The following MYO18B variants were observed in gnomAD, a reference collection of about 807,000 sequenced individuals.
MYO18B encodes unconventional myosin-XVIIIb.
In MYO18B, 204 loss-of-function variants were observed where a neutral mutation model predicts 273.0. The ratio of observed to expected loss-of-function variants is 0.75; its 90% CI spans 0.67 to 0.84. The LOEUF (loss-of-function observed/expected upper bound fraction) is 0.84. MYO18B is among the 40% of genes least tolerant of loss of function. The probability of loss-of-function intolerance (pLI) is 0.00; values close to 1 mark genes in which losing one functional copy is unlikely to be tolerated. For missense variants in MYO18B, 3,212 were observed against 3,287.6 expected (o/e 0.98, Z 0.56); for synonymous variants, 1,330 against 1,305.7 (o/e 1.02, Z -0.40).
chr22:26,013,642 A>G (rs1470074729), intron 42 of MYO18B, among the ~76,000 whole-genome samples: 1 of 152,240 alleles, frequency 6.6e-6, no homozygotes. Context: ...TAAGCAGTGA[A>G]TGAATGTTCT....
chr22:25,747,069 C>CCGAGA (rs1678926012), intron 1 of MYO18B, among the ~76,000 whole-genome samples: 1 of 152,122 alleles, frequency 6.6e-6, no homozygotes, highest in South Asian at 2.1e-4. Context: ...TTGCAGTGAG[C>CCGAGA]CGAGATGGCA....
In MYO18B at chr22:25,772,352, G is replaced by A. The variant is rs1461588289; in HGVS notation, c.1711G>A (p.Asp571Asn). 2 of 1,613,694 alleles carry A rather than the reference G, an allele frequency of 1.2e-6. No individual in the cohort carries two copies. Among genetic ancestry groups the A allele is most frequent in the African/African-American group, 2.7e-5 (2 of 74,906 alleles). Residue 571 changes from aspartate to asparagine, a missense_variant, in exon 7 of 44, where the codon GAC (aspartate) becomes AAC (asparagine). Asp to Asn is a conservative substitution (Grantham distance 23, BLOSUM62 1). Coordinates refer to ENST00000335473, the MANE Select transcript of MYO18B (RefSeq NM_032608.7). ...TTCACAGGCCAACCCTCCTGAGCTG[G>A]ACCAGGTCGAGGACCTGGCCTCTCT... ...HVHRANPPEL[D>N]QVEDLASLIS...
intron 42 of MYO18B, among the ~76,000 whole-genome samples, chr22:26,017,066 TTCC>T (rs1569298154): frequency 1.8e-5 from 2 of 113,210 alleles, no homozygotes; most frequent in Admixed American, 1.7e-4. Context: ...CCTTCCTTCC[TTCC>T]TTCCTCTCTG....
At chr22:25,978,772 G>A (rs543327183) in intron 39 of MYO18B, among the ~76,000 whole-genome samples, 1 of 152,304 alleles carries the variant, frequency 6.6e-6, no homozygotes, top group South Asian at 2.1e-4. Flanking sequence ...CTGCCAACAT[G>A]GCAAAACCTT....
chr22:25,934,208 G>A (rs1305672986), intron 34 of MYO18B, among the ~76,000 whole-genome samples: 1 of 151,538 alleles, frequency 6.6e-6, no homozygotes, highest in Non-Finnish European at 1.5e-5. Context: ...GAAGCTCTTT[G>A]CTACATATGT....
intron 42 of MYO18B, 112 bp from the exon 43 acceptor site, chr22:26,026,333 T>C: frequency 8.2e-7 from 1 of 1,219,022 alleles, no homozygotes; most frequent in Middle Eastern, 2.1e-4. Context: ...GTAGGGATGG[T>C]ATTTCCAAAG....
chr22:25,752,448 A>C (rs1434205031), intron 1 of MYO18B, among the ~76,000 whole-genome samples: 1 of 151,618 alleles, frequency 6.6e-6, no homozygotes, highest in Admixed American at 6.6e-5. Context: ...CGGCCTCACA[A>C]AGTGCTGGGA....
At chr22:25,864,493 G>A (rs928273605) in intron 21 of MYO18B, among the ~76,000 whole-genome samples, 4 of 152,170 alleles carry the variant, frequency 2.6e-5, no homozygotes, top group African/African-American at 9.7e-5. Flanking sequence ...GTTGTAGAAA[G>A]CAAACTGAAG....
chr22:25,965,497 C>G (rs1028014493), intron 39 of MYO18B, among the ~76,000 whole-genome samples: 1 of 152,192 alleles, frequency 6.6e-6, no homozygotes, highest in Non-Finnish European at 1.5e-5. Context: ...AGGTGGATTC[C>G]TGGCTTGTAG....
intron 36 of MYO18B, among the ~76,000 whole-genome samples, chr22:25,949,566 G>A (rs1404956986): frequency 6.6e-6 from 1 of 152,218 alleles, no homozygotes; most frequent in African/African-American, 2.4e-5. Context: ...AAATGCATCT[G>A]ACAGAGGTTG....
chr22:25,814,016 G>A (rs1236781598), intron 12 of MYO18B, among the ~76,000 whole-genome samples: 4 of 152,168 alleles, frequency 2.6e-5, no homozygotes, highest in Non-Finnish European at 5.9e-5. Context: ...TCATAAAGCT[G>A]GAATGCTGCT....
intron 17 of MYO18B, among the ~76,000 whole-genome samples, chr22:25,840,675 C>T (rs2090057713): frequency 6.6e-6 from 1 of 152,168 alleles, no homozygotes; most frequent in Admixed American, 6.5e-5. Flanking sequence ...AATGTATTAT[C>T]AAAGGGAATG....
At chr22:25,892,581 C>T (rs963855037) in intron 27 of MYO18B, 1 of 152,122 alleles carries the variant, frequency 6.6e-6, no homozygotes, top group Non-Finnish European at 1.5e-5. Flanking sequence ...AGCATTATTC[C>T]CTCCGTGTGT....
At chr22:25,831,600 C>T (rs1372858842) in intron 15 of MYO18B, among the ~76,000 whole-genome samples, 1 of 152,172 alleles carries the variant, frequency 6.6e-6, no homozygotes, top group Non-Finnish European at 1.5e-5. Context: ...CCAGCCTAGT[C>T]TCTAATTCCT....
chr22:25,849,034 C>T (rs1033048201), intron 20 of MYO18B, among the ~76,000 whole-genome samples: 4 of 152,218 alleles, frequency 2.6e-5, no homozygotes, highest in South Asian at 2.1e-4. Context: ...CCCGCACAGC[C>T]GCAGAGGAGG....
chr22:25,790,895 T>C (rs73879542), intron 11 of MYO18B, among the ~76,000 whole-genome samples: 3,892 of 152,186 alleles, frequency 0.026, 141 homozygotes, highest in African/African-American at 0.083. Context: ...CCCTCAGTCA[T>C]TGTGGGCAGC....
At chr22:25,774,682 A>G (rs1287645139) in intron 7 of MYO18B, among the ~76,000 whole-genome samples, 4 of 152,140 alleles carry the variant, frequency 2.6e-5, no homozygotes, top group Non-Finnish European at 5.9e-5. Context: ...TGATTCCCCA[A>G]ATGGCCACCA....
intron 39 of MYO18B, among the ~76,000 whole-genome samples, chr22:25,983,781 T>C (rs1183945970): frequency 6.6e-6 from 1 of 152,220 alleles, no homozygotes; most frequent in African/African-American, 2.4e-5. Context: ...CCAGATCTTA[T>C]CAGGGACTCT....
chr22:26,012,369 G>A (rs1934985155), intron 42 of MYO18B, among the ~76,000 whole-genome samples: 1 of 152,192 alleles, frequency 6.6e-6, no homozygotes, highest in Non-Finnish European at 1.5e-5. Flanking sequence ...TAGAAATGGA[G>A]CTCAGGATAA....
Sources: allele counts gnomAD v4.1 joint callset (sites outside exome capture counted in the v4.1 genomes callset), GRCh38; gene constraint gnomAD v4.1.1; transcripts MANE v1.5; gene names NCBI Gene and HGNC (gene_info 2026-07-23, HGNC 2026-07-21).